ATG7: variants seen among roughly 807,000 people sequenced by gnomAD.
The protein encoded by ATG7 is autophagy related 7, also known as ubiquitin-like modifier-activating enzyme ATG7.
In ATG7, 70 loss-of-function variants were observed where a neutral mutation model predicts 82.4. The observed-to-expected ratio is 0.85, with a 90% CI of 0.70 to 1.04. The LOEUF is 1.04. Among genes scored for constraint, ATG7 ranks in the 50% least tolerant of loss-of-function variants. ATG7 has a pLI of 0.00. For missense variants in ATG7, 792 were observed against 864.3 expected (o/e 0.92, Z 1.05); for synonymous variants, 287 against 313.0 (o/e 0.92, Z 0.88).
chr3:11,341,455 CT>C (rs983898612), intron 12 of ATG7, among the ~76,000 whole-genome samples: 10 of 140,372 alleles, frequency 7.1e-5, no homozygotes, highest in Non-Finnish European at 3.1e-5. Flanking sequence ...TTTTTTTTTT[CT>C]TTTTTTTTGA....
the ATG7 span, among the ~76,000 whole-genome samples, chr3:11,573,127 T>C: frequency 3.3e-5 from 5 of 150,474 alleles, no homozygotes; most frequent in African/African-American, 1.2e-4. Flanking sequence ...GATCGAGCCA[T>C]TGCACTCCAA....
chr3:11,308,848 C>T (rs951996127), intron 6 of ATG7, 136 bp from the exon 7 acceptor site: 2 of 789,698 alleles, frequency 2.5e-6, no homozygotes, highest in Non-Finnish European at 4.4e-6. Context: ...TAACAACCCA[C>T]TTCATTGTTT....
chr3:11,518,013 A>G lies in ATG7; in HGVS notation c.2080-36798A>G, dbSNP rs368698099. Among the ~76,000 whole-genome samples, 26 of 152,284 alleles carry G rather than the reference A, an allele frequency of 1.7e-4. No homozygotes were observed. In the South Asian group the frequency reaches 3.5e-3, roughly 21 times the overall value. On this transcript the variant is annotated intron_variant, in intron 20 of 20. Transcript: ENST00000693202. Reference sequence around the variant, plus strand: ...AGGGCAGGCTAGAAAGAAGTAGACAATTGAATCGATGTTGAAAATATAGAA... The same window carrying G: ...AGGGCAGGCTAGAAAGAAGTAGACAGTTGAATCGATGTTGAAAATATAGAA...
chr3:11,373,801 T>C lies in ATG7; in HGVS notation c.1876-6171T>C, dbSNP rs546365049. 1.3e-3 allele frequency among the ~76,000 whole-genome samples: 192 copies of C among 152,340 alleles called. 1 individual carries two copies. Among genetic ancestry groups the C allele is most frequent in the African/African-American group, 4.4e-3 (183 of 41,576 alleles). On this transcript the variant is annotated intron_variant, in intron 18 of 20. Transcript: ENST00000693202. Reference sequence around the variant, plus strand: ...GCATATGTAAGTAAGGTGCAACTTCTGCTCTTTAAATTTTATGCAGTTCTT... The same window carrying C: ...GCATATGTAAGTAAGGTGCAACTTCCGCTCTTTAAATTTTATGCAGTTCTT...
chr3:11,513,653 G>A (rs1341772014), intron 20 of ATG7, among the ~76,000 whole-genome samples: 2 of 152,228 alleles, frequency 1.3e-5, no homozygotes, highest in African/African-American at 2.4e-5. Context: ...AGCTGAGGGA[G>A]CCAGCTCCAA....
chr3:11,468,470 C>G lies in ATG7; in HGVS notation c.2079+41544C>G, dbSNP rs2087064828. Among the ~76,000 whole-genome samples, 3 of 152,190 alleles carry G rather than the reference C, an allele frequency of 2.0e-5. No homozygotes were observed. The South Asian group carries it at 6.2e-4, about 32-fold the overall frequency. Reference sequence around the variant, plus strand: ...TTACCACCTTGGAAGTCATAAGATTCTGAAGTTTTCCACAGCTGCTGGGAC... The same window carrying G: ...TTACCACCTTGGAAGTCATAAGATTGTGAAGTTTTCCACAGCTGCTGGGAC... On this transcript the variant is annotated intron_variant, in intron 20 of 20. Transcript: ENST00000693202.
intron 20 of ATG7, among the ~76,000 whole-genome samples, chr3:11,495,078 A>AG (rs1251743748): frequency 2.0e-5 from 3 of 151,810 alleles, no homozygotes; most frequent in Non-Finnish European, 2.9e-5. Flanking sequence ...GCTCCGTCTC[A>AG]GAAAAAAAAA....
At chr3:11,451,870 TACACACACACACACAG>T (rs754083583) in intron 20 of ATG7, among the ~76,000 whole-genome samples, 448 of 141,782 alleles carry the variant, frequency 3.2e-3, no homozygotes, top group East Asian at 4.0e-3. Flanking sequence ...CGCCTTTACA[TACACACACACACACAG>T]ACACACACAC....
At chr3:11,295,582 G>A (rs1281871854) in intron 3 of ATG7, among the ~76,000 whole-genome samples, 2 of 152,056 alleles carry the variant, frequency 1.3e-5, no homozygotes, top group African/African-American at 4.8e-5. Flanking sequence ...ATTTTAGAAA[G>A]CCACCACCGC....
At chr3:11,508,029 C>A (rs1335082018) in intron 20 of ATG7, among the ~76,000 whole-genome samples, 1 of 151,910 alleles carries the variant, frequency 6.6e-6, no homozygotes, top group Non-Finnish European at 1.5e-5. Context: ...GGAAGAATGG[C>A]TAGTAGGATA....
At chr3:11,571,613 G>C in the ATG7 span, among the ~76,000 whole-genome samples, 2 of 152,318 alleles carry the variant, frequency 1.3e-5, no homozygotes, top group East Asian at 3.9e-4. Context: ...GCTACAGTGA[G>C]CCATGACAGA....
At chr3:11,554,302 T>C (rs927148639) in intron 20 of ATG7, among the ~76,000 whole-genome samples, 1 of 152,174 alleles carries the variant, frequency 6.6e-6, no homozygotes, top group Non-Finnish European at 1.5e-5. Context: ...TTGAGCCAGC[T>C]CTCTAGTGTG....
chr3:11,532,091 C>A (rs1323394376), intron 20 of ATG7, among the ~76,000 whole-genome samples: 1 of 152,176 alleles, frequency 6.6e-6, no homozygotes, highest in African/African-American at 2.4e-5. Context: ...CCACACGCCA[C>A]CCTGTAAGGG....
chr3:11,523,030 A>G (rs1395758140), intron 20 of ATG7, among the ~76,000 whole-genome samples: 1 of 152,122 alleles, frequency 6.6e-6, no homozygotes, highest in African/African-American at 2.4e-5. Flanking sequence ...GTGCCGATGA[A>G]ATAGCCTGTA....
chr3:11,571,137 C>T, the ATG7 span, among the ~76,000 whole-genome samples: 2 of 152,180 alleles, frequency 1.3e-5, no homozygotes, highest in Non-Finnish European at 2.9e-5. Flanking sequence ...TACCGGCATT[C>T]GGACTGTCCC....
intron 20 of ATG7, among the ~76,000 whole-genome samples, chr3:11,528,788 T>C (rs1478024596): frequency 7.2e-6 from 1 of 138,526 alleles, no homozygotes; most frequent in African/African-American, 2.7e-5. Flanking sequence ...ATGGTGCCAT[T>C]GCACTCCAGC....
chr3:11,303,704 C>G (rs1423169483), intron 5 of ATG7, among the ~76,000 whole-genome samples: 1 of 151,132 alleles, frequency 6.6e-6, no homozygotes, highest in African/African-American at 2.4e-5. Context: ...CTCTGGGCCT[C>G]AAATGATCAA....
chr3:11,409,573 A>C (rs932064274), intron 19 of ATG7, among the ~76,000 whole-genome samples: 1 of 152,010 alleles, frequency 6.6e-6, no homozygotes, highest in African/African-American at 2.4e-5. Context: ...CCCCCATCAT[A>C]AGTTGATGAG....
At chr3:11,426,260 T>G (rs1296230005) in intron 19 of ATG7, among the ~76,000 whole-genome samples, 1 of 152,250 alleles carries the variant, frequency 6.6e-6, no homozygotes, top group Non-Finnish European at 1.5e-5. Context: ...CATTGTGGTT[T>G]CAGTTTTCAT....
Sources: allele counts gnomAD v4.1 joint callset (sites outside exome capture counted in the v4.1 genomes callset), GRCh38; gene constraint gnomAD v4.1.1; transcripts MANE v1.5; gene names NCBI Gene and HGNC (gene_info 2026-07-23, HGNC 2026-07-21).